The following MAPKBP1 variants were observed in gnomAD, a reference collection of about 807,000 sequenced individuals.
MAPKBP1 encodes the protein mitogen-activated protein kinase binding protein 1, also known as mitogen-activated protein kinase-binding protein 1.
MAPKBP1 carries 71 observed loss-of-function variants against 170.5 expected under a neutral mutation model. The observed-to-expected ratio is 0.42, with a 90% CI of 0.34 to 0.51. The LOEUF (loss-of-function observed/expected upper bound fraction) is 0.51. MAPKBP1 is among the 20% of genes least tolerant of loss of function. The probability of loss-of-function intolerance (pLI) is 0.06; values close to 1 mark genes in which losing one functional copy is unlikely to be tolerated. For synonymous variants in MAPKBP1, 719 were observed against 757.9 expected (o/e 0.95, Z 0.84); for missense variants, 1,598 against 1,933.0 (o/e 0.83, Z 3.25).
At chr15:41,820,794 T>G in intron 22 of MAPKBP1, 38 bp from the exon 23 acceptor site, 1 of 1,464,002 alleles carries the variant, frequency 6.8e-7, no homozygotes, top group Non-Finnish European at 9.6e-7. Flanking sequence ...TACTGTGTGG[T>G]TGTTGTTACT....
rs750185772 is a variant in MAPKBP1 at position 41,818,034 on chromosome 15, C to G, written c.1930C>G (p.Gln644Glu). ...IRIFNISSGK[Q>E]KKLFKGSQGE... ...GATATTTAACATCAGCAGTGGAAAG[C>G]AGAAGAAGCTGTTTAAAGGGTCACA... Residue 644 changes from glutamine (Q) to glutamate (E), a missense_variant, in exon 17 of 31, where the codon CAG becomes GAG. Gln to Glu is a conservative substitution (Grantham distance 29, BLOSUM62 2). Coordinates refer to ENST00000457542, the MANE Select transcript of MAPKBP1 (RefSeq NM_014994.3). This position sits in a 1 kb window ranked among gnomAD's most constrained non-coding sequence, Gnocchi z 5.2. 6.2e-7 allele frequency: 1 copy of G among 1,614,102 alleles called. No homozygotes were observed. Among genetic ancestry groups the G allele is most frequent in the Non-Finnish European group, 8.5e-7 (1 of 1,180,012 alleles).
At chr15:41,816,222 A>G in intron 12 of MAPKBP1, 1 of 373,024 alleles carries the variant, frequency 2.7e-6, no homozygotes, top group Non-Finnish European at 4.9e-6. Flanking sequence ...TCTAAGGAGA[A>G]GTAACTAAAT....
At position 41,812,509 on chromosome 15, in the gene MAPKBP1, C is replaced by T; in HGVS notation, c.499-7C>T. ...AGCCTTGATTCTTCCTTTGGCATCCCCTCCAGAAAAACATTGTGGTGGCCT... is the reference window on the plus strand; with the variant it reads ...AGCCTTGATTCTTCCTTTGGCATCCTCTCCAGAAAAACATTGTGGTGGCCT... On this transcript the variant is annotated splice_polypyrimidine_tract_variant and splice_region_variant and intron_variant, in intron 6 of 30. Transcript: ENST00000457542. 1 of 1,614,250 alleles carries T rather than the reference C, an allele frequency of 6.2e-7. No individual in the cohort carries two copies. The highest frequency in any genetic ancestry group is 8.5e-7 in the Non-Finnish European group (1 of 1,180,042).
At chr15:41,799,105 G>T (rs1386208026) in intron 2 of MAPKBP1, among the ~76,000 whole-genome samples, 1 of 152,154 alleles carries the variant, frequency 6.6e-6, no homozygotes, top group Non-Finnish European at 1.5e-5. Flanking sequence ...CTAATGATGA[G>T]AGTGATGAGT....
At position 41,812,497 on chromosome 15, in the gene MAPKBP1, C is replaced by T. The variant is rs765047203; in HGVS notation, c.499-19C>T. The stretch of plus-strand genomic sequence containing the variant: ...TCCAAGAGACAGAGCCTTGATTCTT[C>T]CTTTGGCATCCCCTCCAGAAAAACA... On this transcript the variant is annotated intron_variant, in intron 6 of 30. Coordinates refer to ENST00000457542, the MANE Select transcript of MAPKBP1 (RefSeq NM_014994.3). 3.1e-6 allele frequency: 5 copies of T among 1,614,128 alleles called. No individual in the cohort carries two copies. In the East Asian group the frequency reaches 8.9e-5, roughly 29 times the overall value.
intron 2 of MAPKBP1, among the ~76,000 whole-genome samples, chr15:41,782,290 A>T (rs1350571309): frequency 2.0e-5 from 3 of 151,626 alleles, no homozygotes; most frequent in Non-Finnish European, 1.5e-5. Flanking sequence ...ATGAAATACA[A>T]CAGACATTAA....
intron 21 of MAPKBP1, 29 bp downstream of exon 21, chr15:41,819,408 C>T: frequency 6.2e-7 from 1 of 1,612,624 alleles, no homozygotes; most frequent in Non-Finnish European, 8.5e-7. Flanking sequence ...TGGGGGCAGA[C>T]AGGCCCTAGT....
chr15:41,796,613 C>T (rs767133912), intron 2 of MAPKBP1, among the ~76,000 whole-genome samples: 1 of 152,146 alleles, frequency 6.6e-6, no homozygotes, highest in African/African-American at 2.4e-5. Flanking sequence ...TTTCCCCCCC[C>T]TTGGATAGCT....
At chr15:41,814,930 A>C (rs1364678495) in intron 10 of MAPKBP1, among the ~76,000 whole-genome samples, 191 bp downstream of exon 10, 1 of 152,186 alleles carries the variant, frequency 6.6e-6, no homozygotes, top group Non-Finnish European at 1.5e-5. Context: ...CCCCATCCTT[A>C]GTTTTGCCTC....
rs2065055854 is a variant in MAPKBP1, at chr15:41,824,498, C to G, written c.4228C>G (p.Leu1410Val). ...GTCTCTTTCAGAGCCAGCGGTGAGC[C>G]TGGAGCAGTGTGAGCAGCTGGTGGC... Reference protein sequence around the residue: ...LSQDSEPAVSLEQCEQLVAEL... With the variant: ...LSQDSEPAVSVEQCEQLVAEL... Residue 1410 changes from leucine to valine, a missense_variant, in exon 30 of 31, where the codon CTG (leucine) becomes GTG (valine). Physicochemically the swap from Leu to Val is conservative, Grantham distance 32. Coordinates refer to ENST00000457542, the MANE Select transcript of MAPKBP1 (RefSeq NM_014994.3). The G allele has an allele frequency of 6.3e-7, 1 of 1,599,410 alleles. No homozygotes were observed. The highest frequency in any genetic ancestry group is 8.5e-7 in the Non-Finnish European group (1 of 1,173,332).
At chr15:41,812,393 C>T (rs1342572256) in intron 6 of MAPKBP1, 123 bp from the exon 7 acceptor site, 5 of 1,379,584 alleles carry the variant, frequency 3.6e-6, no homozygotes, top group Non-Finnish European at 5.1e-6. Context: ...TTTTTCTGGC[C>T]AGTAAATTCT....
chr15:41,782,062 C>CA (rs202163992), intron 2 of MAPKBP1, among the ~76,000 whole-genome samples: 17,619 of 142,018 alleles, frequency 0.12, 1,163 homozygotes, highest in African/African-American at 0.15. Context: ...TCCTGGCTAA[C>CA]ACGGTGAAAC....
chr15:41,819,557 G>GGGC, intron 21 of MAPKBP1, 38 bp from the exon 22 acceptor site: 4 of 1,384,614 alleles, frequency 2.9e-6, no homozygotes, highest in South Asian at 1.2e-5. Flanking sequence ...CGGGGGGGGG[G>GGGC]CAGGAGACAC....
intron 2 of MAPKBP1, among the ~76,000 whole-genome samples, chr15:41,789,822 T>C (rs1469317754): frequency 6.6e-6 from 1 of 152,360 alleles, no homozygotes; most frequent in Middle Eastern, 3.4e-3. Flanking sequence ...GTCTGACTTG[T>C]GGCCCTCTGC....
Position 41,817,602 on chromosome 15 carries a change from C to G in MAPKBP1, c.1783-12C>G. On this transcript the variant is annotated splice_polypyrimidine_tract_variant and intron_variant, in intron 15 of 30. Transcript: ENST00000457542. The surrounding 1 kb of genome is among the most constrained non-coding windows in gnomAD (Gnocchi z 4.2). ...TTGGGTGTGGGCCTGCCCACATGCT[C>G]CACCCCTGCAGTCTGGAGATGGAGT... 6.2e-7 allele frequency: 1 copy of G among 1,614,144 alleles called. No homozygotes were observed. The highest frequency in any genetic ancestry group is 2.2e-5 in the East Asian group (1 of 44,884).
rs375287342 is a variant in MAPKBP1 at position 41,778,973 on chromosome 15, A to G, written c.114+3584A>G. ...GGTTATATTATTCCTTCTGGAAACA[A>G]TGGGTAAGATGACTTTCTTCTAGTT... On this transcript the variant is annotated intron_variant, in intron 2 of 30. Transcript: ENST00000457542. 2.0e-4 allele frequency among the ~76,000 whole-genome samples: 30 copies of G among 152,304 alleles called. No individual in the cohort carries two copies. The South Asian group carries it at 4.3e-3, about 22-fold the overall frequency.
chr15:41,789,462 T>C (rs1488498379), intron 2 of MAPKBP1, among the ~76,000 whole-genome samples: 2 of 152,188 alleles, frequency 1.3e-5, no homozygotes, highest in Non-Finnish European at 2.9e-5. Context: ...CACGTGCTGA[T>C]GACTGTACTA....
intron 21 of MAPKBP1, 94 bp from the exon 22 acceptor site, chr15:41,819,501 C>T (rs1567153525): frequency 6.6e-7 from 1 of 1,526,530 alleles, no homozygotes; most frequent in Admixed American, 1.8e-5. Context: ...TCACTGTGGC[C>T]ACACAGGGTA....
intron 4 of MAPKBP1, 110 bp downstream of exon 4, chr15:41,811,055 C>T: frequency 6.5e-7 from 1 of 1,533,054 alleles, no homozygotes; most frequent in Non-Finnish European, 9.0e-7. Context: ...GGTCCTAAAG[C>T]CAGATGGGGA....
Sources: gnomAD v4.1 joint callset for allele counts (sites outside exome capture counted in the v4.1 genomes callset) on GRCh38, gnomAD v4.1.1 for gene constraint, Gnocchi (gnomAD v3.1) non-coding constraint, MANE v1.5 for transcripts, NCBI Gene and HGNC (gene_info 2026-07-23, HGNC 2026-07-21) for gene names.